The following TLN2 variants were observed in gnomAD, a reference collection of about 807,000 sequenced individuals.
The protein encoded by TLN2 is talin-2.
In TLN2, 118 loss-of-function variants were observed where a neutral mutation model predicts 294.7. The ratio of observed to expected loss-of-function variants is 0.40; its 90% CI spans 0.34 to 0.47. TLN2 has a LOEUF of 0.47. TLN2 is among the 20% of genes least tolerant of loss of function. TLN2 has a pLI of 0.84. For missense variants in TLN2, 3,083 were observed against 3,282.2 expected, an observed-to-expected ratio of 0.94 and a Z score of 1.48; for synonymous variants, 1,431 against 1,304.5, an observed-to-expected ratio of 1.10 and a Z score of -2.09.
intron 1 of TLN2, among the ~76,000 whole-genome samples, chr15:62,467,299 G>A (rs912369131): frequency 3.3e-5 from 5 of 152,218 alleles, no homozygotes; most frequent in Non-Finnish European, 7.3e-5. Flanking sequence ...CCAGATAGGG[G>A]TGAAGTGCTA....
At chr15:62,689,068 C>CT (rs796645804) in intron 12 of TLN2, among the ~76,000 whole-genome samples, 5,563 of 116,550 alleles carry the variant, frequency 0.048, 146 homozygotes, top group African/African-American at 0.076. Context: ...TTCTCTCTCT[C>CT]TTTTTTTTTT....
intron 1 of TLN2, among the ~76,000 whole-genome samples, chr15:62,522,166 G>A (rs1040615926): frequency 2.6e-5 from 4 of 152,178 alleles, no homozygotes; most frequent in African/African-American, 9.7e-5. Context: ...GTGGATGCAC[G>A]ACTCAAGGGG....
intron 11 of TLN2, among the ~76,000 whole-genome samples, chr15:62,679,293 G>C (rs940990238): frequency 3.3e-5 from 5 of 152,138 alleles, no homozygotes; most frequent in African/African-American, 1.2e-4. Flanking sequence ...AAAGAAAATT[G>C]AAAGTGTATA....
intron 20 of TLN2, among the ~76,000 whole-genome samples, chr15:62,707,555 T>C (rs148806342): frequency 1.3e-5 from 2 of 152,362 alleles, no homozygotes; most frequent in African/African-American, 4.8e-5. Flanking sequence ...AAAATAGTTC[T>C]TGCAATGCGT....
Position 62,673,392 on chromosome 15 carries a change from A to C in TLN2, c.789-435A>C, listed in dbSNP as rs113699753. 7.1e-4 allele frequency among the ~76,000 whole-genome samples: 92 copies of C among 128,826 alleles called. 1 individual carries two copies. The East Asian group carries it at 8.6e-3, about 12-fold the overall frequency. The allele number at this position is 128,826 out of a possible 152,430, so 84.5% of individuals were successfully genotyped here. A position where few individuals can be genotyped will look rare whatever the true frequency, so the allele number is the denominator to read the frequency against. ...AGAAATAGGCAAGTTTAGTTTCCAT[A>C]CTTGTTCCCTTCTCCTTGTTTTTCG... On this transcript the variant is annotated intron_variant, in intron 9 of 58. Coordinates refer to ENST00000636159, the MANE Select transcript of TLN2 (RefSeq NM_015059.3).
At chr15:62,790,322 G>A (rs1270527751) in intron 45 of TLN2, among the ~76,000 whole-genome samples, 1 of 152,186 alleles carries the variant, frequency 6.6e-6, no homozygotes, top group African/African-American at 2.4e-5. Context: ...ATCCACAAGA[G>A]ATTTAATTTC....
Position 62,739,620 on chromosome 15 carries a change from C to G in TLN2, c.3885+75C>G, listed in dbSNP as rs899252320. On this transcript the variant is annotated intron_variant, in intron 31 of 58. Coordinates refer to ENST00000636159, the MANE Select transcript of TLN2 (RefSeq NM_015059.3). Reference sequence around the variant, plus strand: ...ATGGATAATCCATCCTTGAGACTGACTGAACAAATAGGAAAAGGAACCTGG... The same window carrying G: ...ATGGATAATCCATCCTTGAGACTGAGTGAACAAATAGGAAAAGGAACCTGG... 5.2e-6 allele frequency: 8 copies of G among 1,536,974 alleles called. No individual in the cohort carries two copies. In the African/African-American group the frequency reaches 1.1e-4, roughly 21 times the overall value.
rs780426222 is a variant in TLN2 at position 62,738,339 on chromosome 15, A to T, written c.3687+6A>T. ...AGAAGCTGCTTGTGGATTCGGTGAGAGGTTCTTAGATTGAGAAAGGACACT... is the reference window on the plus strand; with the variant it reads ...AGAAGCTGCTTGTGGATTCGGTGAGTGGTTCTTAGATTGAGAAAGGACACT... On this transcript the variant is annotated splice_donor_region_variant and intron_variant, in intron 30 of 58. Transcript: ENST00000636159. 2 of 1,613,640 alleles carry T rather than the reference A, an allele frequency of 1.2e-6. No individual in the cohort carries two copies. The highest frequency in any genetic ancestry group is 2.2e-5 in the South Asian group (2 of 90,954).
At chr15:62,823,885 G>C (rs1302201106) in intron 54 of TLN2, 1 of 468,550 alleles carries the variant, frequency 2.1e-6, no homozygotes, top group East Asian at 6.2e-5. Context: ...CTGCAAAAGT[G>C]ACCACCCCCT....
At chr15:62,774,735 G>T (rs904929315) in intron 42 of TLN2, among the ~76,000 whole-genome samples, 19 of 152,154 alleles carry the variant, frequency 1.2e-4, no homozygotes, top group African/African-American at 4.6e-4. Context: ...ATAGCCAAGA[G>T]CAAGGATATG....
intron 52 of TLN2, among the ~76,000 whole-genome samples, chr15:62,810,461 T>A (rs1389942185): frequency 1.3e-5 from 2 of 152,110 alleles, no homozygotes; most frequent in Non-Finnish European, 2.9e-5. Flanking sequence ...AGGCTGCCAG[T>A]GCTGCAAGTG....
chr15:62,396,428 T>G (rs1595714782), intron 1 of TLN2, among the ~76,000 whole-genome samples: 2 of 152,334 alleles, frequency 1.3e-5, no homozygotes, highest in East Asian at 3.9e-4. Context: ...ATCTCTTATC[T>G]CTTTGGAAAT....
At chr15:62,649,287 C>T (rs1030346221) in intron 4 of TLN2, among the ~76,000 whole-genome samples, 6 of 148,682 alleles carry the variant, frequency 4.0e-5, no homozygotes, top group Admixed American at 2.0e-4. Flanking sequence ...GTTTTTCTGT[C>T]GGATTTTTTT....
intron 1 of TLN2, among the ~76,000 whole-genome samples, chr15:62,502,970 C>T (rs1290445289): frequency 1.3e-5 from 2 of 152,172 alleles, no homozygotes; most frequent in Non-Finnish European, 2.9e-5. Context: ...GAGTTGACTT[C>T]ACAGTTCCGT....
At chr15:62,463,090 T>G (rs1010266130) in intron 1 of TLN2, among the ~76,000 whole-genome samples, 4 of 152,162 alleles carry the variant, frequency 2.6e-5, no homozygotes, top group African/African-American at 9.7e-5. Context: ...GGCAGCCCTT[T>G]TCTGAACTTC....
At chr15:62,812,895 G>T (rs2066803513) in intron 52 of TLN2, among the ~76,000 whole-genome samples, 2 of 152,200 alleles carry the variant, frequency 1.3e-5, no homozygotes, top group African/African-American at 4.8e-5. Context: ...AACTTTCCCA[G>T]GCCACACATT....
At chr15:62,530,195 GATAA>G (rs1333750976) in intron 1 of TLN2, among the ~76,000 whole-genome samples, 1 of 152,020 alleles carries the variant, frequency 6.6e-6, no homozygotes, top group Non-Finnish European at 1.5e-5. Context: ...TGTCTCAAAA[GATAA>G]ATAAATATTT....
intron 19 of TLN2, among the ~76,000 whole-genome samples, chr15:62,704,974 C>G (rs1035883763): frequency 1.6e-4 from 24 of 152,184 alleles, no homozygotes; most frequent in African/African-American, 5.6e-4. Flanking sequence ...TTATTGTTTT[C>G]TCCAAAGTGC....
In TLN2 at chr15:62,501,419, T is replaced by C. The variant is rs146369010; in HGVS notation, c.-237-88268T>C. Among the ~76,000 whole-genome samples the C allele has an allele frequency of 4.1e-4, 63 of 152,302 alleles. 1 individual carries two copies. In the East Asian group the frequency reaches 6.0e-3, roughly 14 times the overall value. On this transcript the variant is annotated intron_variant, in intron 1 of 58. Transcript: ENST00000636159. ...TGAGAACCCCCATCAATTTCATCCT[T>C]GATAGACTTGTACCAAAAGAGCGAC...
Sources: gnomAD v4.1 joint callset for allele counts (sites outside exome capture counted in the v4.1 genomes callset) on GRCh38, gnomAD v4.1.1 for gene constraint, MANE v1.5 for transcripts, NCBI Gene and HGNC (gene_info 2026-07-23, HGNC 2026-07-21) for gene names.